The following GRXCR1 variants were observed in gnomAD, a reference collection of about 807,000 sequenced individuals.
The protein encoded by GRXCR1 is glutaredoxin domain-containing cysteine-rich protein 1.
A neutral mutation model predicts 27.3 loss-of-function variants in GRXCR1; 27 were observed. The observed-to-expected ratio is 0.99, with a 90% confidence interval of 0.73 to 1.37. The LOEUF (loss-of-function observed/expected upper bound fraction) is 1.37, where lower values mean the gene tolerates loss of function less well. Among genes scored for constraint, GRXCR1 ranks in the 40% most tolerant of loss-of-function variants. The probability of loss-of-function intolerance (pLI) is 0.00; values close to 1 mark genes in which losing one functional copy is unlikely to be tolerated. For missense variants in GRXCR1, 379 were observed against 354.4 expected, an observed-to-expected ratio of 1.07 and a Z score of -0.56; for synonymous variants, 122 against 131.1, an observed-to-expected ratio of 0.93 and a Z score of 0.47.
intron 2 of GRXCR1, among the ~76,000 whole-genome samples, chr4:42,985,037 C>T (rs914668309): frequency 6.6e-6 from 1 of 152,156 alleles, no homozygotes; most frequent in East Asian, 1.9e-4. Flanking sequence ...TATGATACCT[C>T]ACTCAGCACT....
intron 2 of GRXCR1, among the ~76,000 whole-genome samples, chr4:42,971,164 G>C (rs1748377799): frequency 1.3e-5 from 2 of 152,042 alleles, no homozygotes; most frequent in Admixed American, 6.6e-5. Flanking sequence ...CTTCAGCCTG[G>C]ACATCATTGT....
chr4:43,025,704 C>T (rs1002176676), intron 3 of GRXCR1, among the ~76,000 whole-genome samples: 7 of 152,140 alleles, frequency 4.6e-5, no homozygotes, highest in African/African-American at 1.4e-4. Flanking sequence ...GGGCCGGGCG[C>T]GGTGGCTCAC....
chr4:42,931,512 C>T (rs1350384757), intron 1 of GRXCR1, among the ~76,000 whole-genome samples: 1 of 151,828 alleles, frequency 6.6e-6, no homozygotes, highest in Non-Finnish European at 1.5e-5. Flanking sequence ...TTTGCCTTTC[C>T]AAGCCAGATT....
chr4:42,901,673 T>A (rs1370525100), intron 1 of GRXCR1, among the ~76,000 whole-genome samples: 2 of 152,200 alleles, frequency 1.3e-5, no homozygotes, highest in Non-Finnish European at 2.9e-5. Flanking sequence ...GGGTAGCTAT[T>A]ATTCTGCCTT....
chr4:42,990,188 T>C (rs1711921530), intron 2 of GRXCR1, among the ~76,000 whole-genome samples: 1 of 82,994 alleles, frequency 1.2e-5, no homozygotes, highest in African/African-American at 4.6e-5. Flanking sequence ...TTTTTTTTTT[T>C]TTTTTTTTTT....
intron 2 of GRXCR1, among the ~76,000 whole-genome samples, chr4:42,983,376 C>G (rs1175983224): frequency 6.7e-6 from 1 of 149,268 alleles, no homozygotes; most frequent in Non-Finnish European, 1.5e-5. Flanking sequence ...AGATATGCGG[C>G]GTTATTTCTG....
chr4:42,897,914 G>GTTA (rs1219243035), intron 1 of GRXCR1, among the ~76,000 whole-genome samples: 6 of 143,856 alleles, frequency 4.2e-5, no homozygotes, highest in African/African-American at 1.5e-4. Flanking sequence ...GAACAGAAAA[G>GTTA]TTATTACTAT....
intron 1 of GRXCR1, among the ~76,000 whole-genome samples, chr4:42,899,789 C>G (rs1480345629): frequency 6.6e-6 from 1 of 152,134 alleles, no homozygotes; most frequent in African/African-American, 2.4e-5. Context: ...GTTGGAAAAT[C>G]ACATTTTTTC....
intron 1 of GRXCR1, among the ~76,000 whole-genome samples, chr4:42,908,707 G>A (rs916123661): frequency 2.6e-5 from 4 of 152,188 alleles, no homozygotes; most frequent in Non-Finnish European, 5.9e-5. Context: ...TAGATTATCT[G>A]CAGACAACAA....
intron 1 of GRXCR1, among the ~76,000 whole-genome samples, chr4:42,942,854 T>C (rs552369922): frequency 3.3e-5 from 5 of 152,238 alleles, no homozygotes; most frequent in Admixed American, 2.0e-4. Context: ...ATAACTATAA[T>C]AATAACTCAA....
At chr4:43,007,916 G>A (rs979101320) in intron 2 of GRXCR1, among the ~76,000 whole-genome samples, 3 of 152,092 alleles carry the variant, frequency 2.0e-5, no homozygotes, top group Non-Finnish European at 4.4e-5. Context: ...ACACTTTAAA[G>A]CGTTTTGCCC....
intron 1 of GRXCR1, among the ~76,000 whole-genome samples, chr4:42,896,664 C>CT (rs1746352786): frequency 6.6e-6 from 1 of 152,056 alleles, no homozygotes. Flanking sequence ...ACTAGAAGTT[C>CT]TTTAGGTTAT....
intron 1 of GRXCR1, among the ~76,000 whole-genome samples, chr4:42,957,565 T>A (rs1748034746): frequency 1.3e-5 from 2 of 151,940 alleles, no homozygotes; most frequent in African/African-American, 4.8e-5. Flanking sequence ...CTCTTAGATT[T>A]ACTTCTTTGA....
chr4:42,959,046 C>T (rs1038804394), intron 1 of GRXCR1, among the ~76,000 whole-genome samples: 2 of 151,862 alleles, frequency 1.3e-5, no homozygotes, highest in Non-Finnish European at 2.9e-5. Context: ...TATCATATAA[C>T]CCAACAATCC....
intron 1 of GRXCR1, among the ~76,000 whole-genome samples, chr4:42,909,824 G>A (rs746186001): frequency 6.6e-6 from 1 of 152,038 alleles, no homozygotes; most frequent in Non-Finnish European, 1.5e-5. Context: ...TCTTAATCTG[G>A]TGTATTAGCC....
intron 2 of GRXCR1, among the ~76,000 whole-genome samples, chr4:43,010,907 C>T (rs190183938): frequency 2.6e-5 from 4 of 152,154 alleles, no homozygotes; most frequent in African/African-American, 9.7e-5. Context: ...ATTTCTTACA[C>T]TGCTACATGA....
At chr4:42,918,748 T>A (rs537286044) in intron 1 of GRXCR1, among the ~76,000 whole-genome samples, 2 of 152,216 alleles carry the variant, frequency 1.3e-5, no homozygotes, top group Admixed American at 6.5e-5. Context: ...CTTTTTGACA[T>A]TCCATTACAG....
rs185578096 is a variant in GRXCR1, at chr4:42,903,395, T to C, written c.384+9745T>C. On this transcript the variant is annotated intron_variant, in intron 1 of 3. Transcript: ENST00000399770. ...GGCATGATCTCGGCTCACTGCAAGC[T>C]CTGCCTCCTGGGTTCATGCCATTCT... is the stretch of plus-strand genomic sequence containing the variant. 9.9e-4 allele frequency among the ~76,000 whole-genome samples: 135 copies of C among 135,708 alleles called. 3 individuals carry two copies. The highest frequency in any genetic ancestry group is 4.1e-3 in the Middle Eastern group (1 of 244). The allele number at this position is 135,708 out of a possible 152,430, so 89.0% of individuals were successfully genotyped here. A position where few individuals can be genotyped will look rare whatever the true frequency, so the allele number is the denominator to read the frequency against.
intron 1 of GRXCR1, among the ~76,000 whole-genome samples, chr4:42,925,967 A>C (rs558039587): frequency 6.6e-6 from 1 of 152,144 alleles, no homozygotes; most frequent in East Asian, 1.9e-4. Context: ...GACTTATTAA[A>C]TACTGCCATG....
Sources: gnomAD v4.1 joint callset for allele counts (sites outside exome capture counted in the v4.1 genomes callset) on GRCh38, gnomAD v4.1.1 for gene constraint, MANE v1.5 for transcripts, NCBI Gene and HGNC (gene_info 2026-07-23, HGNC 2026-07-21) for gene names.